The following FILIP1L variants were observed in gnomAD, a reference collection of about 807,000 sequenced individuals.
FILIP1L encodes the protein filamin A-interacting protein 1-like.
In FILIP1L, 55 loss-of-function variants were observed where a neutral mutation model predicts 96.6. The ratio of observed to expected loss-of-function variants is 0.57; its 90% confidence interval spans 0.46 to 0.71. FILIP1L has a LOEUF of 0.71. FILIP1L is among the 30% of genes least tolerant of loss of function. The pLI, the probability that FILIP1L is intolerant of heterozygous loss-of-function variation, is 0.00. For synonymous variants in FILIP1L, 467 were observed against 473.9 expected (o/e 0.99, Z 0.19); for missense variants, 1,304 against 1,321.2 (o/e 0.99, Z 0.20).
chr3:100,039,314 A>G (rs1215664129), intron 1 of FILIP1L, among the ~76,000 whole-genome samples: 1 of 152,236 alleles, frequency 6.6e-6, no homozygotes, highest in Non-Finnish European at 1.5e-5. Flanking sequence ...CCTATGAAGT[A>G]CATAAGAAGT....
chr3:100,082,837 C>T (rs558749365), intron 1 of FILIP1L, among the ~76,000 whole-genome samples: 2 of 152,194 alleles, frequency 1.3e-5, no homozygotes, highest in South Asian at 4.1e-4. Context: ...CTTAAGACAC[C>T]ACCTAGTTTG....
chr3:99,891,694 T>C (rs969873619), intron 4 of FILIP1L, among the ~76,000 whole-genome samples: 11 of 152,292 alleles, frequency 7.2e-5, no homozygotes, highest in Admixed American at 7.2e-4. Flanking sequence ...GAAAACTATG[T>C]CTAAAAGGAA....
chr3:99,939,249 G>A (rs539494907), intron 1 of FILIP1L, among the ~76,000 whole-genome samples: 2 of 152,286 alleles, frequency 1.3e-5, no homozygotes, highest in South Asian at 2.1e-4. Context: ...CTTGTTATAT[G>A]CCTGTGAGTG....
intron 4 of FILIP1L, among the ~76,000 whole-genome samples, chr3:99,916,734 C>T (rs1173345982): frequency 6.6e-6 from 1 of 152,106 alleles, no homozygotes; most frequent in Non-Finnish European, 1.5e-5. Context: ...GGTCCATGCT[C>T]CACGTTTGTT....
chr3:99,850,305 C>G lies in FILIP1L; in HGVS notation c.1371G>C (p.Gln457His), dbSNP rs1943610560. The G allele has an allele frequency of 6.2e-7, 1 of 1,613,682 alleles. No homozygotes were observed. The highest frequency in any genetic ancestry group is 1.1e-5 in the South Asian group (1 of 91,010). The change falls in exon 5 of 6, where the codon CAG becomes CAC. Residue 457 changes from glutamine to histidine, a missense_variant. Physicochemically the swap from Gln to His is conservative, Grantham distance 24. Coordinates refer to ENST00000477258, the MANE Select transcript of FILIP1L (RefSeq NM_001387850.1). ...TTAAACTCTCCAGTTCTTGAGACAA[C>G]TGCTTTGTGGTCATCCTTTCTTTTT... The part of the protein sequence containing the change: ...NLEKERMTTK[Q>H]LSQELESLKV...
intron 1 of FILIP1L, among the ~76,000 whole-genome samples, chr3:100,043,420 C>T (rs2065235989): frequency 6.6e-6 from 1 of 152,166 alleles, no homozygotes; most frequent in Non-Finnish European, 1.5e-5. Context: ...AGCAGCTCAG[C>T]AGTCTCTAAG....
intron 1 of FILIP1L, among the ~76,000 whole-genome samples, chr3:100,094,875 A>C (rs1307401116): frequency 6.6e-6 from 1 of 151,394 alleles, no homozygotes; most frequent in Non-Finnish European, 1.5e-5. Flanking sequence ...TTTTTAGTAG[A>C]GACGGGGTTT....
At chr3:100,039,164 A>G (rs1394536657) in intron 1 of FILIP1L, among the ~76,000 whole-genome samples, 4 of 152,242 alleles carry the variant, frequency 2.6e-5, no homozygotes, top group Non-Finnish European at 5.9e-5. Context: ...CATCAAACAC[A>G]GAGACATTCC....
chr3:100,056,993 G>A (rs548916271), intron 1 of FILIP1L, among the ~76,000 whole-genome samples: 1 of 152,076 alleles, frequency 6.6e-6, no homozygotes, highest in East Asian at 1.9e-4. Context: ...AACAGAGCGA[G>A]ACTCTGTCTC....
intron 1 of FILIP1L, among the ~76,000 whole-genome samples, chr3:100,036,325 A>G (rs894540716): frequency 2.6e-5 from 4 of 152,176 alleles, no homozygotes; most frequent in African/African-American, 9.7e-5. Context: ...AAAAAAGATG[A>G]GCCTGGAACA....
intron 1 of FILIP1L, among the ~76,000 whole-genome samples, chr3:100,047,629 G>T (rs981935799): frequency 3.3e-5 from 5 of 152,196 alleles, no homozygotes; most frequent in Admixed American, 6.5e-5. Context: ...TTCAACTGCA[G>T]GTGTCTGTCA....
rs569515244 is a variant in FILIP1L, at chr3:100,028,027, G to T, written c.-11+86026C>A. Among the ~76,000 whole-genome samples the T allele has an allele frequency of 4.6e-5, 7 of 152,238 alleles. No individual in the cohort carries two copies. The East Asian group carries it at 1.4e-3, about 29-fold the overall frequency. ...TCTAAGTACTGAAATGATGGGGTTG[G>T]ATTTATATTGATTAAATTTTACTCT... On this transcript the variant is annotated intron_variant, in intron 1 of 5. Transcript: ENST00000477258.
At chr3:99,906,478 G>T (rs1706622425) in intron 4 of FILIP1L, among the ~76,000 whole-genome samples, 1 of 151,954 alleles carries the variant, frequency 6.6e-6, no homozygotes, top group Non-Finnish European at 1.5e-5. Context: ...TCTGTAACTT[G>T]CCTTTTCATC....
chr3:99,858,409 G>A (rs759657403), intron 4 of FILIP1L, among the ~76,000 whole-genome samples: 1 of 152,070 alleles, frequency 6.6e-6, no homozygotes, highest in Non-Finnish European at 1.5e-5. Context: ...AGGTTGCAAT[G>A]AGCTGAGATC....
chr3:99,921,385 A>T (rs1170608086), intron 4 of FILIP1L, among the ~76,000 whole-genome samples: 1 of 152,156 alleles, frequency 6.6e-6, no homozygotes, highest in African/African-American at 2.4e-5. Context: ...GAAGTCAGTT[A>T]TGCCTCATGA....
chr3:99,936,221 A>C (rs1407379818), intron 1 of FILIP1L, among the ~76,000 whole-genome samples: 1 of 152,032 alleles, frequency 6.6e-6, no homozygotes, highest in African/African-American at 2.4e-5. Flanking sequence ...GAGGTAGCCA[A>C]GCAAAACTAC....
intron 1 of FILIP1L, among the ~76,000 whole-genome samples, chr3:99,978,419 G>A (rs1311877235): frequency 6.6e-6 from 1 of 152,090 alleles, no homozygotes; most frequent in East Asian, 1.9e-4. Flanking sequence ...TAAAGAAAAT[G>A]TGGTATATCT....
chr3:99,907,275 T>G (rs1706649430), intron 4 of FILIP1L, among the ~76,000 whole-genome samples: 1 of 151,910 alleles, frequency 6.6e-6, no homozygotes, highest in African/African-American at 2.4e-5. Context: ...TGAGACAGAG[T>G]CTCACTCTGT....
At chr3:99,914,928 T>A (rs771394422) in intron 4 of FILIP1L, among the ~76,000 whole-genome samples, 1 of 152,242 alleles carries the variant, frequency 6.6e-6, no homozygotes, top group East Asian at 1.9e-4. Flanking sequence ...ATGGTCATGA[T>A]GTTTTTGTTA....
Sources: gnomAD v4.1 joint callset for allele counts (sites outside exome capture counted in the v4.1 genomes callset) on GRCh38, gnomAD v4.1.1 for gene constraint, MANE v1.5 for transcripts, NCBI Gene and HGNC (gene_info 2026-07-23, HGNC 2026-07-21) for gene names.